Variants in ARHGAP20 observed in about 807,000 individuals in gnomAD.
The protein encoded by ARHGAP20 is Rho GTPase activating protein 20, also known as rho GTPase-activating protein 20.
Under a neutral mutation model 73.7 loss-of-function variants are expected in ARHGAP20, and 34 were observed. The ratio of observed to expected loss-of-function variants is 0.46; its 90% confidence interval spans 0.35 to 0.61. ARHGAP20 has a LOEUF of 0.61. Among genes scored for constraint, ARHGAP20 ranks in the 20% least tolerant of loss-of-function variants. The pLI is 0.00. For synonymous variants in ARHGAP20, 523 were observed against 518.2 expected, an observed-to-expected ratio of 1.01 and a Z score of -0.13; for missense variants, 1,314 against 1,420.9, an observed-to-expected ratio of 0.92 and a Z score of 1.21.
At chr11:110,711,549 G>C in intron 1 of ARHGAP20, 2 of 1,346,242 alleles carry the variant, frequency 1.5e-6, no homozygotes, top group Non-Finnish European at 1.9e-6. Context: ...CCCTGGTGTG[G>C]GGGGCAGTAC....
At chr11:110,584,761 C>CTGAT (rs1947577068) in intron 12 of ARHGAP20, among the ~76,000 whole-genome samples, 1 of 151,786 alleles carries the variant, frequency 6.6e-6, no homozygotes, top group African/African-American at 2.4e-5. Flanking sequence ...GTGGAGAGAA[C>CTGAT]TGATTGATCT....
At chr11:110,625,138 C>T (rs1160310592) in intron 3 of ARHGAP20, among the ~76,000 whole-genome samples, 3 of 149,812 alleles carry the variant, frequency 2.0e-5, no homozygotes, top group South Asian at 2.1e-4. Context: ...CCCGGGTTCA[C>T]GCCATTCTCC....
intron 3 of ARHGAP20, among the ~76,000 whole-genome samples, chr11:110,625,037 T>TTA (rs1555090195): frequency 1.2e-3 from 164 of 137,796 alleles, no homozygotes; most frequent in East Asian, 6.9e-3. Context: ...TTTTTATTTT[T>TTA]TTTTTTTTTT....
rs141369148 is a variant in ARHGAP20, at chr11:110,660,133, T to G, written c.189-29341A>C. 1.6e-3 allele frequency among the ~76,000 whole-genome samples: 237 copies of G among 150,712 alleles called. 1 individual carries two copies. The highest frequency in any genetic ancestry group is 5.0e-3 in the African/African-American group (205 of 40,930). On this transcript the variant is annotated intron_variant, in intron 2 of 14. Transcript: ENST00000683387. ...TTTTTAAGCCTATATCAGAACTACA[T>G]ATAGGGCTTGTTAAAACATAGAATG...
intron 8 of ARHGAP20, 30 bp downstream of exon 8, chr11:110,608,954 A>C (rs1001632904): frequency 2.5e-6 from 4 of 1,577,900 alleles, no homozygotes; most frequent in African/African-American, 1.4e-5. Context: ...AACACAATCA[A>C]TGCTATCTTA....
At chr11:110,626,620 C>G (rs887438033) in intron 3 of ARHGAP20, among the ~76,000 whole-genome samples, 1 of 152,162 alleles carries the variant, frequency 6.6e-6, no homozygotes, top group Non-Finnish European at 1.5e-5. Context: ...TATTTATGCT[C>G]TTAACCACTA....
chr11:110,695,043 T>C (rs1950310068), intron 1 of ARHGAP20, among the ~76,000 whole-genome samples: 1 of 151,634 alleles, frequency 6.6e-6, no homozygotes, highest in Non-Finnish European at 1.5e-5. Context: ...TTGAACATAG[T>C]GTTGACACTT....
chr11:110,684,728 C>A (rs1000306261), intron 2 of ARHGAP20, among the ~76,000 whole-genome samples: 1 of 152,042 alleles, frequency 6.6e-6, no homozygotes, highest in Non-Finnish European at 1.5e-5. Context: ...TGGAATACTA[C>A]GCAGACATAA....
At chr11:110,628,789 G>A in intron 3 of ARHGAP20, among the ~76,000 whole-genome samples, 1 of 152,098 alleles carries the variant, frequency 6.6e-6, no homozygotes, top group East Asian at 1.9e-4. Context: ...ATAACCTTAT[G>A]TGAGAAAGGG....
At chr11:110,645,154 C>T (rs1007521048) in intron 2 of ARHGAP20, among the ~76,000 whole-genome samples, 3 of 151,996 alleles carry the variant, frequency 2.0e-5, no homozygotes, top group African/African-American at 7.2e-5. Flanking sequence ...GGATTACAGG[C>T]ATGAGCCACC....
In ARHGAP20 at chr11:110,648,226, T is replaced by C. The variant is rs987625095; in HGVS notation, c.189-17434A>G. ...ATATATGTAAATATATATATGTATA[T>C]ATATATATATGTAAATATATATATG... On this transcript the variant is annotated intron_variant, in intron 2 of 14. Coordinates refer to ENST00000683387, the MANE Select transcript of ARHGAP20 (RefSeq NM_001384657.1). 7.0e-3 allele frequency among the ~76,000 whole-genome samples: 553 copies of C among 79,278 alleles called. 6 individuals carry two copies. Among genetic ancestry groups the C allele is most frequent in the South Asian group, 0.034 (81 of 2,360 alleles). 52.0% of individuals were successfully genotyped at this position (79,278 alleles called of 152,430 possible).
intron 2 of ARHGAP20, among the ~76,000 whole-genome samples, chr11:110,652,180 A>T (rs765261812): frequency 1.3e-5 from 2 of 151,948 alleles, no homozygotes; most frequent in Non-Finnish European, 2.9e-5. Flanking sequence ...CCTCACTAAA[A>T]ATACCTAGTT....
At chr11:110,612,145 T>G (rs1948380125) in intron 6 of ARHGAP20, among the ~76,000 whole-genome samples, 1 of 151,928 alleles carries the variant, frequency 6.6e-6, no homozygotes, top group African/African-American at 2.4e-5. Context: ...GTAAAAGAGT[T>G]AACAAGCTCA....
chr11:110,611,392 G>A lies in ARHGAP20; in HGVS notation c.631-6C>T. 3.6e-6 allele frequency: 5 copies of A among 1,402,476 alleles called. No homozygotes were observed. Among genetic ancestry groups the A allele is most frequent in the Admixed American group, 2.3e-5 (1 of 43,204 alleles). 86.9% of individuals were successfully genotyped at this position (1,402,476 alleles called of 1,614,324 possible). A position where few individuals can be genotyped will look rare whatever the true frequency, so the allele number is the denominator to read the frequency against. ...ATTACTGTTATAGTTTTAGACTGTA[G>A]AAAAAAAATAAGAAATATAGCTATA... On this transcript the variant is annotated splice_region_variant and splice_polypyrimidine_tract_variant and intron_variant, in intron 6 of 14. Coordinates refer to ENST00000683387, the MANE Select transcript of ARHGAP20 (RefSeq NM_001384657.1).
At chr11:110,685,972 C>A (rs7929694) in intron 2 of ARHGAP20, among the ~76,000 whole-genome samples, 41,873 of 151,886 alleles carry the variant, frequency 0.28, 6,086 homozygotes, top group African/African-American at 0.38. Flanking sequence ...CTTGAACTAG[C>A]TGTGTTATCA....
At position 110,660,064 on chromosome 11, in the gene ARHGAP20, A is replaced by AAAAAAAAAAAC. The variant is rs1555097585; in HGVS notation, c.189-29273_189-29272insGTTTTTTTTTT. Among the ~76,000 whole-genome samples the AAAAAAAAAAAC allele has an allele frequency of 2.8e-3, 367 of 128,802 alleles. 3 individuals carry two copies. The highest frequency in any genetic ancestry group is 0.013 in the African/African-American group (352 of 27,666). The allele number at this position is 128,802 out of a possible 152,430, so 84.5% of individuals were successfully genotyped here. A position where few individuals can be genotyped will look rare whatever the true frequency, so the allele number is the denominator to read the frequency against. ...AAACTTAAAGTATAATAAAAAACAA[A>AAAAAAAAAAAC]AAAAAAAAAAAAAAGAAAATACCCT... On this transcript the variant is annotated intron_variant, in intron 2 of 14. Coordinates refer to ENST00000683387, the MANE Select transcript of ARHGAP20 (RefSeq NM_001384657.1).
At chr11:110,651,141 G>C (rs976414563) in intron 2 of ARHGAP20, among the ~76,000 whole-genome samples, 2 of 151,988 alleles carry the variant, frequency 1.3e-5, no homozygotes, top group African/African-American at 4.8e-5. Flanking sequence ...ATGACTCCTG[G>C]GTAAATAATG....
At chr11:110,607,046 C>T (rs913961684) in intron 8 of ARHGAP20, among the ~76,000 whole-genome samples, 7 of 152,210 alleles carry the variant, frequency 4.6e-5, no homozygotes, top group East Asian at 1.9e-4. Context: ...TTTTCCAACA[C>T]GTGCATCTAA....
intron 4 of ARHGAP20, among the ~76,000 whole-genome samples, chr11:110,620,304 C>T (rs1014696163): frequency 9.2e-5 from 14 of 152,048 alleles, no homozygotes; most frequent in African/African-American, 3.4e-4. Context: ...TGTATGCCAC[C>T]ATGCCTGCAT....
Sources: allele counts gnomAD v4.1 joint callset (sites outside exome capture counted in the v4.1 genomes callset), GRCh38; gene constraint gnomAD v4.1.1; transcripts MANE v1.5; gene names NCBI Gene and HGNC (gene_info 2026-07-23, HGNC 2026-07-21).